PHLDB1: variants seen among roughly 807,000 people sequenced by gnomAD.
PHLDB1 encodes pleckstrin homology-like domain family B member 1.
In PHLDB1, 65 loss-of-function variants were observed where a neutral mutation model predicts 139.3. The ratio of observed to expected loss-of-function variants is 0.47; its 90% CI spans 0.38 to 0.57. The LOEUF (loss-of-function observed/expected upper bound fraction) is 0.57, where lower values mean the gene tolerates loss of function less well. PHLDB1 is among the 20% of genes least tolerant of loss of function. The pLI, the probability that PHLDB1 is intolerant of heterozygous loss-of-function variation, is 0.00. For synonymous variants in PHLDB1, 679 were observed against 734.5 expected, an observed-to-expected ratio of 0.92 and a Z score of 1.22; for missense variants, 1,624 against 1,839.7, an observed-to-expected ratio of 0.88 and a Z score of 2.14.
At chr11:118,634,641 T>C (rs1555113662) in intron 9 of PHLDB1, 1 of 204,102 alleles carries the variant, frequency 4.9e-6, no homozygotes, top group Non-Finnish European at 1.0e-5. Flanking sequence ...CACCTCTGAC[T>C]GCCGTGTTAC....
rs143792199 is a variant in PHLDB1 at position 118,620,447 on chromosome 11, G to A, written c.355+4236G>A. ...GCGGAGGTTGCAGTGAGCCGAGATC[G>A]CACCATTGCACTCCAGCCTGGGCAA... On this transcript the variant is annotated intron_variant, in intron 4 of 22. Coordinates refer to ENST00000600882, the MANE Select transcript of PHLDB1 (RefSeq NM_001144758.3). This position sits in a 1 kb window ranked among gnomAD's most constrained non-coding sequence, Gnocchi z 4.1. Among the ~76,000 whole-genome samples the A allele has an allele frequency of 7.5e-3, 1,139 of 152,278 alleles. 6 individuals are homozygous for A. Among genetic ancestry groups the A allele is most frequent in the Non-Finnish European group, 0.013 (861 of 68,024 alleles).
chr11:118,641,787 T>C lies in PHLDB1; in HGVS notation c.2737-467T>C, dbSNP rs891080407. ...CTTCCATCACGCCTTCACCTAAGGT[T>C]GGTGGTTTGTGAGTTCTTGCTACCC... On this transcript the variant is annotated intron_variant, in intron 12 of 22. Transcript: ENST00000600882. 16 of 1,286,750 alleles carry C rather than the reference T, an allele frequency of 1.2e-5. No homozygotes were observed. The African/African-American group carries it at 2.4e-4, about 20-fold the overall frequency. 79.7% of individuals were successfully genotyped at this position (1,286,750 alleles called of 1,614,324 possible).
chr11:118,614,521 A>G (rs781941528), intron 2 of PHLDB1, 38 bp from the exon 3 acceptor site: 8 of 1,610,876 alleles, frequency 5.0e-6, no homozygotes, highest in Non-Finnish European at 6.8e-6. Flanking sequence ...AAGGTGCTGA[A>G]TCTAATGATG....
At position 118,608,987 on chromosome 11, in the gene PHLDB1, AAGCCCAGCTCACACACGC is replaced by A; in HGVS notation, c.-22+1294_-22+1311del. On this transcript the variant is annotated intron_variant, in intron 1 of 22. Transcript: ENST00000600882. This position sits in a 1 kb window ranked among gnomAD's most constrained non-coding sequence, Gnocchi z 6.7. The stretch of plus-strand genomic sequence containing the variant: ...CACATGAGGCCCCAGCTCACACACG[AAGCCCAGCTCACACACGC>A]AGCCCCAGCTCTCACACACACACCC... 7.2e-6 allele frequency among the ~76,000 whole-genome samples: 1 copy of A among 139,554 alleles called. No homozygotes were observed. Among genetic ancestry groups the A allele is most frequent in the African/African-American group, 2.7e-5 (1 of 36,492 alleles). 91.6% of individuals were successfully genotyped at this position (139,554 alleles called of 152,430 possible). A position where few individuals can be genotyped will look rare whatever the true frequency, so the allele number is the denominator to read the frequency against.
rs75568897 is a variant in PHLDB1, at chr11:118,638,326, G to C, written c.2536-565G>C. The stretch of plus-strand genomic sequence containing the variant: ...GAGCCACTGAAAGATTTTGAGGAGA[G>C]GCATGATCTGACCTTACTTGTGGAT... On this transcript the variant is annotated intron_variant, in intron 10 of 22. Transcript: ENST00000600882. Among the ~76,000 whole-genome samples the C allele has an allele frequency of 9.9e-3, 1,513 of 152,188 alleles. 19 individuals carry two copies. Among genetic ancestry groups the C allele is most frequent in the African/African-American group, 0.034 (1,427 of 41,502 alleles).
At chr11:118,614,419 A>G in intron 2 of PHLDB1, 140 bp from the exon 3 acceptor site, 1 of 786,562 alleles carries the variant, frequency 1.3e-6, no homozygotes. Context: ...TGCTCTGTGT[A>G]AGATTTTGTG....
rs1948214298 is a variant in PHLDB1 at position 118,650,679 on chromosome 11, C to A, written c.3874+132C>A. 1.5e-6 allele frequency: 1 copy of A among 645,496 alleles called. No homozygotes were observed. Among genetic ancestry groups the A allele is most frequent in the Admixed American group, 2.7e-5 (1 of 37,104 alleles). The allele number at this position is 645,496 out of a possible 1,614,324, so 40.0% of individuals were successfully genotyped here. A position where few individuals can be genotyped will look rare whatever the true frequency, so the allele number is the denominator to read the frequency against. On this transcript the variant is annotated intron_variant, in intron 20 of 22. Transcript: ENST00000600882. This position sits in a 1 kb window ranked among gnomAD's most constrained non-coding sequence, Gnocchi z 4.7. ...GAGTCTTGGGCTAGGCTTTGCCCTC[C>A]TTCCCTGAAAATGTACACAATGTAC...
At chr11:118,649,696 A>G (rs1261056399) in intron 18 of PHLDB1, among the ~76,000 whole-genome samples, 3 of 152,134 alleles carry the variant, frequency 2.0e-5, no homozygotes, top group African/African-American at 7.2e-5. Flanking sequence ...TGACCCAAAC[A>G]AGGTCCCATG....
In PHLDB1 at chr11:118,628,476, A is replaced by C; in HGVS notation, c.1653A>C (p.Ser551=). The change falls in exon 6 of 23, where the codon TCA becomes TCC. Residue 551 remains serine, a synonymous_variant. Coordinates refer to ENST00000600882, the MANE Select transcript of PHLDB1 (RefSeq NM_001144758.3). ...AYSLGSLTGA[S]PCQSPCVQRK... ...GTCTGGGCTCTCTTACTGGGGCTTC[A>C]CCCTGCCAGAGTCCCTGTGTCCAGA... The C allele has an allele frequency of 6.2e-7, 1 of 1,612,868 alleles. No individual in the cohort carries two copies. The highest frequency in any genetic ancestry group is 8.5e-7 in the Non-Finnish European group (1 of 1,179,888).
In PHLDB1 at chr11:118,608,430, G is replaced by T. The variant is rs1201171842; in HGVS notation, c.-22+731G>T. Among the ~76,000 whole-genome samples the T allele has an allele frequency of 6.6e-6, 1 of 152,184 alleles. No homozygotes were observed. Among genetic ancestry groups the T allele is most frequent in the Non-Finnish European group, 1.5e-5 (1 of 68,018 alleles). On this transcript the variant is annotated intron_variant, in intron 1 of 22. Transcript: ENST00000600882. The surrounding 1 kb of genome is among the most constrained non-coding windows in gnomAD (Gnocchi z 6.7). ...ATCCGGGCTCCCCCGGGATAGGGAA[G>T]TGCGGGCGGGCGGCTGGGTAGGGGC...
Position 118,613,842 on chromosome 11 carries a change from C to T in PHLDB1, c.6C>T (p.Asp2=), listed in dbSNP as rs201929347. 58 of 1,611,906 alleles carry T rather than the reference C, an allele frequency of 3.6e-5. No homozygotes were observed. The highest frequency in any genetic ancestry group is 1.7e-4 in the Middle Eastern group (1 of 6,052). M[D]ALNRNQIGPG... is the part of the protein sequence containing the mutation. ...AGCTCTGGAGCCTTAGGACCATGGACGCTCTCAATAGGAACCAAATAGGCC... is the reference window on the plus strand; with the variant it reads ...AGCTCTGGAGCCTTAGGACCATGGATGCTCTCAATAGGAACCAAATAGGCC... The change falls in exon 2 of 23, where the codon GAC becomes GAT. Residue 2 remains aspartate (D), a synonymous_variant. Transcript: ENST00000600882.
At chr11:118,627,046 C>T in intron 5 of PHLDB1, 1 of 525,468 alleles carries the variant, frequency 1.9e-6, no homozygotes. Context: ...AAGTGCCTAT[C>T]ATTGTTAACT....
intron 15 of PHLDB1, chr11:118,644,666 G>A: frequency 7.8e-7 from 1 of 1,289,818 alleles, no homozygotes; most frequent in Non-Finnish European, 1.0e-6. Context: ...TTCCCGCCGA[G>A]CCCCTCCCAA....
intron 20 of PHLDB1, chr11:118,651,026 G>A (rs1948270294): frequency 6.1e-6 from 1 of 164,148 alleles, no homozygotes; most frequent in South Asian, 1.7e-4. Context: ...GATAGCCCAG[G>A]AACAGGCCGA....
At chr11:118,642,129 C>G in intron 12 of PHLDB1, 125 bp from the exon 13 acceptor site, 5 of 880,492 alleles carry the variant, frequency 5.7e-6, no homozygotes, top group Non-Finnish European at 9.2e-6. Context: ...TTAACCTTCC[C>G]CTTCCTTCTT....
rs1299166316 is a variant in PHLDB1, at chr11:118,642,460, A to G, written c.2877+66A>G. The G allele has an allele frequency of 1.4e-5, 22 of 1,531,406 alleles. No individual in the cohort carries two copies. The African/African-American group carries it at 1.5e-4, about 10-fold the overall frequency. 94.9% of individuals were successfully genotyped at this position (1,531,406 alleles called of 1,614,324 possible). On this transcript the variant is annotated intron_variant, in intron 13 of 22. Coordinates refer to ENST00000600882, the MANE Select transcript of PHLDB1 (RefSeq NM_001144758.3). ...CCTGTCCACTCTGATACCTCCTGCCAATCCATCAGCCACACAGTACCACCT... is the reference window on the plus strand; with the variant it reads ...CCTGTCCACTCTGATACCTCCTGCCGATCCATCAGCCACACAGTACCACCT...
Position 118,627,815 on chromosome 11 carries a change from TGACA to T in PHLDB1, c.998_1001del (p.Asp333AlafsTer30). ...CCCAGCCCTGGCCTCCGGGGTCTGCTGACAGACAGCCCTGCAGCTACTGTCTTGG... is the reference window on the plus strand; with the variant it reads ...CCCAGCCCTGGCCTCCGGGGTCTGCTGACAGCCCTGCAGCTACTGTCTTGG... On this transcript the variant is annotated frameshift_variant, in exon 6 of 23. Transcript: ENST00000600882. LOFTEE classifies it high-confidence loss of function. 1 of 1,605,086 alleles carries T rather than the reference TGACA, an allele frequency of 6.2e-7. No homozygotes were observed. The highest frequency in any genetic ancestry group is 8.5e-7 in the Non-Finnish European group (1 of 1,179,490).
chr11:118,634,885 C>T (rs1372302060), intron 9 of PHLDB1: 2 of 412,854 alleles, frequency 4.8e-6, no homozygotes, highest in Non-Finnish European at 9.8e-6. Flanking sequence ...TGTTTCTCCC[C>T]TGTGCCCCGC....
At position 118,632,075 on chromosome 11, in the gene PHLDB1, TG is replaced by T. The variant is rs1555111606; in HGVS notation, c.2241+24del. ...AGAGGTGAGCCGTGAAGTCCCTAGC[TG>T]GACTCTTCCCTAGGCCAACTGAAGG... On this transcript the variant is annotated intron_variant, in intron 8 of 22. Transcript: ENST00000600882. This position sits in a 1 kb window ranked among gnomAD's most constrained non-coding sequence, Gnocchi z 5.9. 1.2e-6 allele frequency: 2 copies of T among 1,613,716 alleles called. No homozygotes were observed.
Sources: gnomAD v4.1 joint callset for allele counts (sites outside exome capture counted in the v4.1 genomes callset) on GRCh38, gnomAD v4.1.1 for gene constraint, Gnocchi (gnomAD v3.1) non-coding constraint, MANE v1.5 for transcripts, NCBI Gene and HGNC (gene_info 2026-07-23, HGNC 2026-07-21) for gene names.